The following ST18 variants were observed in gnomAD, a reference collection of about 807,000 sequenced individuals.
The protein encoded by ST18 is suppression of tumorigenicity 18 protein.
ST18 carries 50 observed loss-of-function variants against 110.0 expected under a neutral mutation model. The observed-to-expected ratio is 0.45, with a 90% CI of 0.36 to 0.58. ST18 has a LOEUF of 0.58. Ranked by LOEUF, ST18 falls within the 20% of genes least tolerant of loss-of-function variation. ST18 has a pLI of 0.00. For missense variants in ST18, 1,306 were observed against 1,280.1 expected (o/e 1.02, Z -0.31); for synonymous variants, 461 against 452.4 (o/e 1.02, Z -0.24).
At chr8:52,371,008 T>C (rs1338668342) in intron 2 of ST18, among the ~76,000 whole-genome samples, 1 of 152,226 alleles carries the variant, frequency 6.6e-6, no homozygotes, top group Non-Finnish European at 1.5e-5. Flanking sequence ...AAAATCCTAA[T>C]ACAACACTAG....
At chr8:52,233,190 A>G in intron 2 of ST18, among the ~76,000 whole-genome samples, 1 of 152,218 alleles carries the variant, frequency 6.6e-6, no homozygotes, top group Non-Finnish European at 1.5e-5. Flanking sequence ...ATGTACTCAA[A>G]TCTTCATTAA....
rs1357407334 is a variant in ST18, at chr8:52,212,063, A to G, written c.86+16T>C. On this transcript the variant is annotated intron_variant, in intron 8 of 25. Coordinates refer to ENST00000689386, the MANE Select transcript of ST18 (RefSeq NM_001352837.2). ...CCCATTAATGTGAAAAAAAAGTAAT[A>G]TAGGGTAAATCTTACCTGAGCTCCT... The G allele has an allele frequency of 1.2e-6, 2 of 1,603,624 alleles. No individual in the cohort carries two copies. Among genetic ancestry groups the G allele is most frequent in the Non-Finnish European group, 1.7e-6 (2 of 1,177,346 alleles).
intron 2 of ST18, among the ~76,000 whole-genome samples, chr8:52,301,045 A>G (rs1226408782): frequency 6.6e-6 from 1 of 152,270 alleles, no homozygotes; most frequent in Admixed American, 6.5e-5. Flanking sequence ...GAATGATGAC[A>G]TTACCAAAAT....
chr8:52,115,640 C>G (rs1173930419), intron 25 of ST18, among the ~76,000 whole-genome samples: 1 of 152,050 alleles, frequency 6.6e-6, no homozygotes, highest in Non-Finnish European at 1.5e-5. Context: ...TCTGGGTTTG[C>G]GAAAGTTCAC....
At chr8:52,409,230 C>G (rs1191913785) in intron 2 of ST18, 98 bp downstream of exon 2, 1 of 152,272 alleles carries the variant, frequency 6.6e-6, no homozygotes, top group African/African-American at 2.4e-5. Context: ...CTAACTCCTC[C>G]TTGCGCATCT....
rs141055345 is a variant in ST18 at position 52,297,030 on chromosome 8, A to G, written c.-464-66953T>C. Among the ~76,000 whole-genome samples the G allele has an allele frequency of 5.8e-3, 890 of 152,350 alleles. 5 individuals carry two copies. The highest frequency in any genetic ancestry group is 0.02 in the African/African-American group (845 of 41,580). ...GTACTTAATAATGAGATAATAATGCATGAGTCCCAGAAATAAATGGGACAG... is the reference window on the plus strand; with the variant it reads ...GTACTTAATAATGAGATAATAATGCGTGAGTCCCAGAAATAAATGGGACAG... On this transcript the variant is annotated intron_variant, in intron 2 of 25. Coordinates refer to ENST00000689386, the MANE Select transcript of ST18 (RefSeq NM_001352837.2).
At chr8:52,126,750 G>A (rs1422497251) in intron 22 of ST18, among the ~76,000 whole-genome samples, 1 of 152,170 alleles carries the variant, frequency 6.6e-6, no homozygotes, top group Non-Finnish European at 1.5e-5. Flanking sequence ...AATAAGAGGA[G>A]CTGCCACAAG....
At chr8:52,258,217 T>C (rs998318157) in intron 2 of ST18, among the ~76,000 whole-genome samples, 1 of 152,196 alleles carries the variant, frequency 6.6e-6, no homozygotes, top group Non-Finnish European at 1.5e-5. Context: ...GTGTGAGTTC[T>C]CCAACTTTGT....
chr8:52,318,310 C>A (rs2139847566), intron 2 of ST18, among the ~76,000 whole-genome samples: 1 of 152,230 alleles, frequency 6.6e-6, no homozygotes, highest in South Asian at 2.1e-4. Flanking sequence ...CCCAAGATCA[C>A]CGATCATTAG....
At chr8:52,158,656 C>T (rs2060611175) in intron 15 of ST18, among the ~76,000 whole-genome samples, 1 of 152,150 alleles carries the variant, frequency 6.6e-6, no homozygotes. Context: ...CACTTCTCCC[C>T]AAACTTTGGT....
intron 2 of ST18, among the ~76,000 whole-genome samples, chr8:52,370,405 C>A (rs930535563): frequency 6.9e-6 from 1 of 145,754 alleles, no homozygotes; most frequent in African/African-American, 2.7e-5. Flanking sequence ...TGTGTGCATG[C>A]GTGTGACTGT....
chr8:52,175,098 C>T (rs971911396), intron 9 of ST18, among the ~76,000 whole-genome samples: 12 of 152,064 alleles, frequency 7.9e-5, no homozygotes, highest in African/African-American at 2.4e-4. Context: ...CTTGCAAGCT[C>T]GGTGGGGCTG....
At chr8:52,186,158 A>C (rs1000069019) in intron 8 of ST18, among the ~76,000 whole-genome samples, 3 of 152,200 alleles carry the variant, frequency 2.0e-5, no homozygotes, top group African/African-American at 7.2e-5. Context: ...GAGTGGGAGA[A>C]GGTATTTGCA....
intron 2 of ST18, among the ~76,000 whole-genome samples, chr8:52,270,972 T>C (rs2095055781): frequency 6.6e-6 from 1 of 151,578 alleles, no homozygotes; most frequent in Admixed American, 6.6e-5. Context: ...CTCGGCTCAC[T>C]GCAAGCTCCT....
intron 2 of ST18, among the ~76,000 whole-genome samples, chr8:52,369,373 G>A (rs1829395155): frequency 6.6e-6 from 1 of 152,132 alleles, no homozygotes. Context: ...ATGCCCTTAA[G>A]AAAAAGAGAA....
intron 8 of ST18, among the ~76,000 whole-genome samples, chr8:52,192,987 GAT>G (rs2075066816): frequency 1.3e-5 from 2 of 152,226 alleles, no homozygotes; most frequent in South Asian, 2.1e-4. Context: ...ATTGGGACAG[GAT>G]ATATATAGCA....
chr8:52,278,081 T>TA (rs2095308485), intron 2 of ST18, among the ~76,000 whole-genome samples: 1 of 152,190 alleles, frequency 6.6e-6, no homozygotes, highest in Non-Finnish European at 1.5e-5. Context: ...ATAATAACAA[T>TA]ACCACATTTA....
chr8:52,401,509 T>A (rs1842802826), intron 2 of ST18, among the ~76,000 whole-genome samples: 1 of 152,128 alleles, frequency 6.6e-6, no homozygotes, highest in African/African-American at 2.4e-5. Context: ...CTTTCCTCAC[T>A]CTTTTTTCCT....
intron 2 of ST18, among the ~76,000 whole-genome samples, chr8:52,375,616 G>A (rs1832034386): frequency 6.6e-6 from 1 of 152,118 alleles, no homozygotes; most frequent in South Asian, 2.1e-4. Flanking sequence ...CCAGCAGAAT[G>A]CCCCTTGGTC....
Sources: allele counts gnomAD v4.1 joint callset (sites outside exome capture counted in the v4.1 genomes callset), GRCh38; gene constraint gnomAD v4.1.1; transcripts MANE v1.5; gene names NCBI Gene and HGNC (gene_info 2026-07-23, HGNC 2026-07-21).